RUNX3: variants seen among roughly 807,000 people sequenced by gnomAD.
RUNX3 encodes the protein RUNX family transcription factor 3.
In RUNX3, 10 loss-of-function variants were observed where a neutral mutation model predicts 27.7. The ratio of observed to expected loss-of-function variants is 0.36; its 90% CI spans 0.22 to 0.61. The LOEUF (loss-of-function observed/expected upper bound fraction) is 0.61. Ranked by LOEUF, RUNX3 falls within the 20% of genes least tolerant of loss-of-function variation. RUNX3 has a pLI of 0.72. For missense variants in RUNX3, 469 were observed against 629.5 expected (o/e 0.75, Z 2.73); for synonymous variants, 270 against 269.2 (o/e 1.00, Z -0.03).
At chr1:24,906,851 T>C (rs1408502661) in intron 4 of RUNX3, among the ~76,000 whole-genome samples, 1 of 152,206 alleles carries the variant, frequency 6.6e-6, no homozygotes, top group Non-Finnish European at 1.5e-5. Context: ...CAATCCACTT[T>C]CAGATGAAAA....
chr1:24,940,521 C>T (rs571026437), intron 2 of RUNX3, among the ~76,000 whole-genome samples: 159 of 152,234 alleles, frequency 1.0e-3, no homozygotes, highest in African/African-American at 3.5e-3. Context: ...TCTTTCAGGT[C>T]ATCCCAGAAT....
chr1:24,958,386 C>A (rs1241742407), intron 2 of RUNX3, among the ~76,000 whole-genome samples: 1 of 152,204 alleles, frequency 6.6e-6, no homozygotes, highest in Non-Finnish European at 1.5e-5. Context: ...TTTCCTGCTG[C>A]TGAATTCAAT....
chr1:24,963,223 C>G (rs1172686665), intron 2 of RUNX3: 2 of 152,578 alleles, frequency 1.3e-5, no homozygotes, highest in African/African-American at 4.8e-5. Flanking sequence ...GCCCCGCTCT[C>G]AGACAAGCCT....
At chr1:24,935,251 C>A (rs1251685728), upstream of RUNX3, among the ~76,000 whole-genome samples, 6 of 152,242 alleles carry the variant, frequency 3.9e-5, no homozygotes, top group Admixed American at 3.9e-4. Flanking sequence ...AAGTGCTAAT[C>A]AGACGTGTTT....
intron 2 of RUNX3, among the ~76,000 whole-genome samples, chr1:24,956,783 A>C (rs12031692): frequency 0.72 from 110,204 of 152,126 alleles, 40,912 homozygotes; most frequent in African/African-American, 0.89. Context: ...GAATAGGGGC[A>C]TGACCAAAAT....
chr1:24,935,360 G>A (rs1641322871), intron 2 of RUNX3, among the ~76,000 whole-genome samples: 1 of 151,996 alleles, frequency 6.6e-6, no homozygotes, highest in African/African-American at 2.4e-5. Context: ...GTTTGGTTGT[G>A]ACCCGAGGCC....
intron 2 of RUNX3, among the ~76,000 whole-genome samples, chr1:24,957,465 T>C (rs982517546): frequency 1.3e-5 from 2 of 152,084 alleles, no homozygotes; most frequent in African/African-American, 4.8e-5. Context: ...AGAACACCCT[T>C]TGGACACCTG....
At chr1:24,917,427 A>T (rs1259188599) in intron 3 of RUNX3, among the ~76,000 whole-genome samples, 1 of 152,176 alleles carries the variant, frequency 6.6e-6, no homozygotes, top group Admixed American at 6.5e-5. Context: ...TGAGGACGAC[A>T]AAACGCTGCG....
At chr1:24,919,456 T>A (rs1235953457) in intron 2 of RUNX3, 112 bp from the exon 3 acceptor site, 3 of 660,740 alleles carry the variant, frequency 4.5e-6, no homozygotes, top group Non-Finnish European at 8.0e-6. Context: ...GAAGGGGCAC[T>A]CTGTCCTCTT....
chr1:24,934,703 G>C (rs1168494222), upstream of RUNX3, among the ~76,000 whole-genome samples: 4 of 152,180 alleles, frequency 2.6e-5, no homozygotes, highest in Admixed American at 2.6e-4. Context: ...GCCAGACCCG[G>C]GTTAAAAGTC....
At chr1:24,954,702 G>C (rs551220860) in intron 2 of RUNX3, among the ~76,000 whole-genome samples, 2 of 152,346 alleles carry the variant, frequency 1.3e-5, no homozygotes, top group South Asian at 4.1e-4. Context: ...AACCACGGAC[G>C]TGGCCATCCA....
At chr1:24,905,072 G>T (rs1640638863) in intron 4 of RUNX3, among the ~76,000 whole-genome samples, 1 of 152,184 alleles carries the variant, frequency 6.6e-6, no homozygotes, top group Admixed American at 6.5e-5. Context: ...AGGTGCTGGG[G>T]TCTCTGCACT....
intron 3 of RUNX3, among the ~76,000 whole-genome samples, chr1:24,908,039 G>GCGGTGATCCGAACCTCTACGACACA (rs1360622963): frequency 3.3e-5 from 5 of 149,740 alleles, no homozygotes; most frequent in African/African-American, 4.9e-5. Context: ...TCAACCACAC[G>GCGGTGATCCGAACCTCTACGACACA]CGGTGATCCG....
upstream of RUNX3, among the ~76,000 whole-genome samples, chr1:24,930,666 G>A (rs1035400776): frequency 6.6e-6 from 1 of 152,108 alleles, no homozygotes; most frequent in African/African-American, 2.4e-5. The surrounding 1 kb of genome is among the most constrained non-coding windows in gnomAD (Gnocchi z 4.1). Context: ...TTGCTGCTTC[G>A]GGCCTGTGAC....
chr1:24,907,188 G>A, intron 4 of RUNX3, 71 bp downstream of exon 4: 3 of 1,498,636 alleles, frequency 2.0e-6, no homozygotes, highest in South Asian at 1.2e-5. Flanking sequence ...TTTGGTCTGG[G>A]GCAGATTGGA....
intron 2 of RUNX3, among the ~76,000 whole-genome samples, chr1:24,949,792 C>T (rs574111859): frequency 2.6e-5 from 4 of 152,374 alleles, no homozygotes; most frequent in South Asian, 4.1e-4. Flanking sequence ...CTCTCTGGAG[C>T]GGGGGTTTGG....
rs1172914338 is a variant in RUNX3 at position 24,927,511 on chromosome 1, C to A, written c.439+63G>T. ...CGGGATTCTAAGGCCCCTCTTTCAA[C>A]CTCCTTCCCTGCTGCCCCTGCCATT... On this transcript the variant is annotated intron_variant, in intron 2 of 4. Transcript: ENST00000308873. The surrounding 1 kb of genome is among the most constrained non-coding windows in gnomAD (Gnocchi z 5.0). The A allele has an allele frequency of 1.3e-6, 2 of 1,561,398 alleles. No individual in the cohort carries two copies.
intron 2 of RUNX3, among the ~76,000 whole-genome samples, chr1:24,942,886 G>A (rs1221775183): frequency 3.3e-5 from 5 of 152,368 alleles, no homozygotes; most frequent in Non-Finnish European, 7.3e-5. Context: ...TGCCTGGCAT[G>A]TTATTCAACC....
In RUNX3 at chr1:24,943,601, G is replaced by A. The variant is rs1056548870; in HGVS notation, c.59-13749C>T. ...GAGCCCTGGAACAGTTGGCCAGTGC[G>A]GAGAGGACCCCCGAAGATCTCTGAG... is the stretch of plus-strand genomic sequence containing the variant. On this transcript the variant is annotated intron_variant, in intron 2 of 6. Transcript: ENST00000338888. This position sits in a 1 kb window ranked among gnomAD's most constrained non-coding sequence, Gnocchi z 4.6. Among the ~76,000 whole-genome samples the A allele has an allele frequency of 5.9e-5, 9 of 152,312 alleles. No individual in the cohort carries two copies. The highest frequency in any genetic ancestry group is 1.3e-4 in the Admixed American group (2 of 15,304).
Sources: gnomAD v4.1 joint callset for allele counts (sites outside exome capture counted in the v4.1 genomes callset) on GRCh38, gnomAD v4.1.1 for gene constraint, Gnocchi (gnomAD v3.1) non-coding constraint, MANE v1.5 for transcripts, NCBI Gene and HGNC (gene_info 2026-07-23, HGNC 2026-07-21) for gene names.